GMDS: variants seen among roughly 807,000 people sequenced by gnomAD.
The protein encoded by GMDS is GDP-mannose 4,6-dehydratase.
A neutral mutation model predicts 49.9 loss-of-function variants in GMDS; 20 were observed. That is an observed-to-expected ratio of 0.40 (90% confidence interval 0.28 to 0.58). The LOEUF (loss-of-function observed/expected upper bound fraction) is 0.58, where lower values mean the gene tolerates loss of function less well. Ranked by LOEUF, GMDS falls within the 20% of genes least tolerant of loss-of-function variation. GMDS has a pLI of 0.42. For missense variants in GMDS, 362 were observed against 481.4 expected (o/e 0.75, Z 2.32); for synonymous variants, 177 against 178.6 (o/e 0.99, Z 0.07).
chr6:2,107,748 C>G (rs1774323381), intron 4 of GMDS, among the ~76,000 whole-genome samples: 1 of 152,222 alleles, frequency 6.6e-6, no homozygotes, highest in African/African-American at 2.4e-5. Flanking sequence ...CCAGTCTTTG[C>G]TCCAAGCACC....
chr6:1,748,742 G>GA, intron 7 of GMDS, among the ~76,000 whole-genome samples: 1 of 152,318 alleles, frequency 6.6e-6, no homozygotes, highest in South Asian at 2.1e-4. Flanking sequence ...CAGTTACAGG[G>GA]CCCATGGACT....
At chr6:2,052,767 A>G (rs780911385) in intron 4 of GMDS, among the ~76,000 whole-genome samples, 1 of 152,208 alleles carries the variant, frequency 6.6e-6, no homozygotes, top group Non-Finnish European at 1.5e-5. Flanking sequence ...CTCTAATACC[A>G]TCATGGGGAA....
intron 9 of GMDS, among the ~76,000 whole-genome samples, chr6:1,690,110 T>G (rs1765124252): frequency 6.6e-6 from 1 of 151,996 alleles, no homozygotes; most frequent in Admixed American, 6.6e-5. Context: ...GTCTCAAGAA[T>G]AACAATAACA....
At chr6:2,140,169 G>T (rs1177932456) in intron 1 of GMDS, among the ~76,000 whole-genome samples, 1 of 152,094 alleles carries the variant, frequency 6.6e-6, no homozygotes, top group Non-Finnish European at 1.5e-5. Context: ...GGAGACTGGA[G>T]ATTATCGTGG....
intron 7 of GMDS, among the ~76,000 whole-genome samples, chr6:1,909,150 C>G (rs1257296145): frequency 6.6e-6 from 1 of 152,120 alleles, no homozygotes; most frequent in Non-Finnish European, 1.5e-5. Context: ...GATGAAATGC[C>G]TTTCAAACAA....
chr6:1,887,280 C>A (rs571014578), intron 7 of GMDS, among the ~76,000 whole-genome samples: 62 of 113,656 alleles, frequency 5.5e-4, no homozygotes, highest in African/African-American at 1.5e-3. Context: ...TGGTAAAAGG[C>A]AGTGCTGGCT....
intron 2 of GMDS, among the ~76,000 whole-genome samples, chr6:2,120,809 C>T (rs1775098622): frequency 1.3e-5 from 2 of 152,162 alleles, no homozygotes; most frequent in Non-Finnish European, 2.9e-5. Context: ...GCAAACAGCT[C>T]CAGCTTCCTA....
chr6:2,023,485 C>T (rs1001332105), intron 4 of GMDS, among the ~76,000 whole-genome samples: 1 of 152,228 alleles, frequency 6.6e-6, no homozygotes, highest in African/African-American at 2.4e-5. Flanking sequence ...CCTTCAGGGG[C>T]CCTTCTGCAG....
intron 8 of GMDS, among the ~76,000 whole-genome samples, chr6:1,734,752 G>A (rs1227724611): frequency 6.6e-6 from 1 of 152,212 alleles, no homozygotes. Context: ...CCTCTAAACA[G>A]CCTTTTCTTA....
At chr6:1,824,679 G>A (rs1771036145) in intron 7 of GMDS, among the ~76,000 whole-genome samples, 1 of 152,106 alleles carries the variant, frequency 6.6e-6, no homozygotes, top group Non-Finnish European at 1.5e-5. Flanking sequence ...TAAACTACTT[G>A]AACTCTCCAC....
chr6:1,932,624 G>A (rs1016352091), intron 6 of GMDS, among the ~76,000 whole-genome samples: 3 of 146,402 alleles, frequency 2.0e-5, no homozygotes, highest in Admixed American at 7.0e-5. Flanking sequence ...TGCAAGCTCC[G>A]CCTCCCGGGT....
At chr6:1,837,015 T>C (rs1392778814) in intron 7 of GMDS, among the ~76,000 whole-genome samples, 1 of 152,248 alleles carries the variant, frequency 6.6e-6, no homozygotes, top group East Asian at 1.9e-4. Flanking sequence ...TTATATTTCA[T>C]TTCAGTTTCC....
intron 1 of GMDS, among the ~76,000 whole-genome samples, chr6:2,133,696 A>C (rs1261341519): frequency 3.3e-5 from 5 of 152,198 alleles, no homozygotes; most frequent in Non-Finnish European, 7.4e-5. Flanking sequence ...TGATTTTGTT[A>C]CTTAAAATTA....
intron 7 of GMDS, among the ~76,000 whole-genome samples, chr6:1,857,507 T>C (rs371954891): frequency 2.0e-5 from 3 of 152,184 alleles, no homozygotes; most frequent in African/African-American, 7.2e-5. Flanking sequence ...GTTGGTTGAC[T>C]TCAGGATCAC....
At chr6:2,127,677 G>A (rs994914581) in intron 1 of GMDS, among the ~76,000 whole-genome samples, 1 of 152,216 alleles carries the variant, frequency 6.6e-6, no homozygotes, top group Non-Finnish European at 1.5e-5. Context: ...CGAGCCGAGC[G>A]AGGGCTCCTG....
At chr6:2,137,494 C>T (rs993355630) in intron 1 of GMDS, among the ~76,000 whole-genome samples, 3 of 152,000 alleles carry the variant, frequency 2.0e-5, no homozygotes, top group Admixed American at 1.3e-4. Context: ...TCACCATACC[C>T]GGCTAATTTT....
chr6:2,055,262 AAGAG>A (rs959934504), intron 4 of GMDS, among the ~76,000 whole-genome samples: 16 of 151,662 alleles, frequency 1.1e-4, no homozygotes, highest in African/African-American at 3.1e-4. Flanking sequence ...AAGAAAAAAA[AAGAG>A]AGAGAGAGAG....
chr6:2,075,560 T>C (rs902124612), intron 4 of GMDS, among the ~76,000 whole-genome samples: 10 of 152,250 alleles, frequency 6.6e-5, no homozygotes, highest in African/African-American at 2.2e-4. Flanking sequence ...TCCATCTTCA[T>C]CCATGTTCCT....
intron 4 of GMDS, among the ~76,000 whole-genome samples, chr6:2,111,194 C>T (rs953925003): frequency 3.3e-5 from 5 of 152,186 alleles, no homozygotes; most frequent in African/African-American, 1.2e-4. Flanking sequence ...GCAAAAAATA[C>T]ACAAACCAAC....
Sources: gnomAD v4.1 joint callset for allele counts (sites outside exome capture counted in the v4.1 genomes callset) on GRCh38, gnomAD v4.1.1 for gene constraint, MANE v1.5 for transcripts, NCBI Gene and HGNC (gene_info 2026-07-23, HGNC 2026-07-21) for gene names.